Variants in COL28A1 observed in about 807,000 individuals in gnomAD.
COL28A1 encodes collagen type XXVIII alpha 1 chain, also known as collagen alpha-1(XXVIII) chain.
In COL28A1, 161 loss-of-function variants were observed where a neutral mutation model predicts 150.2. That is an observed-to-expected ratio of 1.07 (90% confidence interval 0.94 to 1.22). COL28A1 has a LOEUF of 1.22. Among genes scored for constraint, COL28A1 ranks in the 50% most tolerant of loss-of-function variants. The pLI is 0.00. For synonymous variants in COL28A1, 552 were observed against 469.7 expected (o/e 1.18, Z -2.26); for missense variants, 1,617 against 1,388.3 (o/e 1.16, Z -2.62).
chr7:7,432,806 C>T (rs777271805), intron 23 of COL28A1, 106 bp from the exon 24 acceptor site: 19 of 821,202 alleles, frequency 2.3e-5, no homozygotes, highest in South Asian at 7.5e-5. Context: ...ATTTCTAACC[C>T]GGGAGTTAGA....
chr7:7,449,319 T>C (rs539327471), intron 18 of COL28A1, among the ~76,000 whole-genome samples: 36 of 152,242 alleles, frequency 2.4e-4, no homozygotes, highest in African/African-American at 8.7e-4. Context: ...ACAATTATCT[T>C]AGTAGATGCA....
At position 7,414,792 on chromosome 7, in the gene COL28A1, C is replaced by T. The variant is rs529757302; in HGVS notation, c.2136+3067G>A. 4.4e-4 allele frequency among the ~76,000 whole-genome samples: 67 copies of T among 152,314 alleles called. No individual in the cohort carries two copies. The South Asian group carries it at 0.014, about 31-fold the overall frequency. ...ATCATTCTTCTCTGACTTCCAGTTGCTCCTAGGATTAAGGCCAAACTCATT... is the reference window on the plus strand; with the variant it reads ...ATCATTCTTCTCTGACTTCCAGTTGTTCCTAGGATTAAGGCCAAACTCATT... On this transcript the variant is annotated intron_variant, in intron 27 of 34. Coordinates refer to ENST00000399429, the MANE Select transcript of COL28A1 (RefSeq NM_001037763.3).
chr7:7,446,166 C>CTTT, intron 18 of COL28A1, among the ~76,000 whole-genome samples: 1 of 151,768 alleles, frequency 6.6e-6, no homozygotes. Flanking sequence ...CCAGTAATGC[C>CTTT]TTTTTAAAAA....
chr7:7,338,919 T>C, the COL28A1 span, among the ~76,000 whole-genome samples: 1 of 152,108 alleles, frequency 6.6e-6, no homozygotes, highest in African/African-American at 2.4e-5. Flanking sequence ...AACCCTGCCA[T>C]TGCCTTGTGA....
At position 7,380,836 on chromosome 7, in the gene COL28A1, C is replaced by T; in HGVS notation, c.2232G>A (p.Val744=). Residue 744 remains valine, a synonymous_variant, in exon 29 of 35, where the codon GTG becomes GTA. Coordinates refer to ENST00000399429, the MANE Select transcript of COL28A1 (RefSeq NM_001037763.3). ...QKGEHGERGD[V]GKKGDKGEIG... is the part of the protein sequence containing the mutation. ...TTTCTCCTTTATCACCTTTCTTTCC[C>T]ACATCGCCCCGTTCTCCGTGCTCTC... The T allele has an allele frequency of 6.2e-7, 1 of 1,613,912 alleles. No individual in the cohort carries two copies.
chr7:7,515,917 T>C (rs943487246), intron 7 of COL28A1, 77 bp from the exon 8 acceptor site: 7 of 770,892 alleles, frequency 9.1e-6, no homozygotes, highest in African/African-American at 1.8e-5. Context: ...TATTTTTCAA[T>C]TACAAGGTAT....
chr7:7,384,693 G>A (rs111614332), intron 27 of COL28A1, among the ~76,000 whole-genome samples: 2 of 152,168 alleles, frequency 1.3e-5, no homozygotes, highest in African/African-American at 2.4e-5. Flanking sequence ...CATATCTCCT[G>A]CAGATAAGGA....
At chr7:7,426,740 C>G (rs958131216) in intron 25 of COL28A1, among the ~76,000 whole-genome samples, 1 of 152,192 alleles carries the variant, frequency 6.6e-6, no homozygotes, top group Non-Finnish European at 1.5e-5. Context: ...TAGTCCCTGA[C>G]AATTTTAAAA....
intron 14 of COL28A1, among the ~76,000 whole-genome samples, chr7:7,475,745 A>C (rs562215877): frequency 1.5e-4 from 23 of 152,304 alleles, no homozygotes; most frequent in African/African-American, 5.1e-4. Flanking sequence ...ATAGAAGTAG[A>C]AATTTACTAA....
intron 27 of COL28A1, among the ~76,000 whole-genome samples, chr7:7,398,868 G>T (rs1406689265): frequency 1.3e-5 from 2 of 152,152 alleles, no homozygotes; most frequent in Non-Finnish European, 2.9e-5. Context: ...TGGTTTGTGT[G>T]TTTAGATGTC....
intron 27 of COL28A1, among the ~76,000 whole-genome samples, chr7:7,410,655 A>T (rs200464036): frequency 1.3e-3 from 100 of 75,236 alleles, no homozygotes; most frequent in African/African-American, 4.3e-3. Flanking sequence ...TTTTTTTTTT[A>T]AATGCTGTTG....
At chr7:7,451,373 G>C (rs185437467) in intron 18 of COL28A1, among the ~76,000 whole-genome samples, 2 of 151,914 alleles carry the variant, frequency 1.3e-5, no homozygotes, top group East Asian at 3.9e-4. Context: ...CTACAAGCAC[G>C]CATCAATACG....
At chr7:7,354,005 A>G (rs1022943889), downstream of COL28A1, among the ~76,000 whole-genome samples, 6 of 151,354 alleles carry the variant, frequency 4.0e-5, no homozygotes, top group African/African-American at 1.5e-4. Flanking sequence ...GAGGACAACT[A>G]AAGAAGATAA....
intron 27 of COL28A1, among the ~76,000 whole-genome samples, chr7:7,407,890 T>C (rs1450642559): frequency 3.3e-5 from 5 of 152,084 alleles, no homozygotes; most frequent in South Asian, 2.1e-4. Context: ...GGATTAAAAA[T>C]AGAACACCAG....
chr7:7,456,047 T>C lies in COL28A1; in HGVS notation c.1368A>G (p.Glu456=). 1 of 1,613,870 alleles carries C rather than the reference T, an allele frequency of 6.2e-7. No homozygotes were observed. Among genetic ancestry groups the C allele is most frequent in the Non-Finnish European group, 8.5e-7 (1 of 1,179,852 alleles). Residue 456 remains glutamate, a synonymous_variant, in exon 16 of 35, where the codon GAA becomes GAG. Transcript: ENST00000399429. Reference sequence around the variant, plus strand: ...AAAGGAAGAATGCATTAATTACCTGTTCCCCTTGACTCCCGATTCCAGGGA... The same window carrying C: ...AAAGGAAGAATGCATTAATTACCTGCTCCCCTTGACTCCCGATTCCAGGGA... ...MGIPGIGSQG[E]QGIQGPIGPP...
At chr7:7,393,782 C>T (rs117783059) in intron 27 of COL28A1, among the ~76,000 whole-genome samples, 2 of 152,142 alleles carry the variant, frequency 1.3e-5, no homozygotes, top group Non-Finnish European at 2.9e-5. Flanking sequence ...TTTCTCCACA[C>T]CAAATTTGAG....
chr7:7,353,558 C>A (rs1780276971), downstream of COL28A1, among the ~76,000 whole-genome samples: 2 of 152,146 alleles, frequency 1.3e-5, no homozygotes, highest in Admixed American at 6.5e-5. Context: ...AAACCTCGAT[C>A]ATTGAGACCT....
chr7:7,482,558 T>A (rs1195468394), intron 13 of COL28A1, among the ~76,000 whole-genome samples: 1 of 152,046 alleles, frequency 6.6e-6, no homozygotes, highest in Non-Finnish European at 1.5e-5. Context: ...CATCATTGAT[T>A]TTTTTATAAT....
intron 14 of COL28A1, among the ~76,000 whole-genome samples, chr7:7,475,577 T>A (rs1788798725): frequency 6.6e-6 from 1 of 152,190 alleles, no homozygotes; most frequent in Admixed American, 6.5e-5. Flanking sequence ...TCATATAATA[T>A]AAAAGTATGT....
Sources: gnomAD v4.1 joint callset for allele counts (sites outside exome capture counted in the v4.1 genomes callset) on GRCh38, gnomAD v4.1.1 for gene constraint, MANE v1.5 for transcripts, NCBI Gene and HGNC (gene_info 2026-07-23, HGNC 2026-07-21) for gene names.